ATCAY: variants seen among roughly 807,000 people sequenced by gnomAD.
ATCAY encodes caytaxin.
A neutral mutation model predicts 47.7 loss-of-function variants in ATCAY; 22 were observed. The observed-to-expected ratio is 0.46, with a 90% CI of 0.33 to 0.66. The LOEUF (loss-of-function observed/expected upper bound fraction) is 0.66, where lower values mean the gene tolerates loss of function less well. Ranked by LOEUF, ATCAY falls within the 30% of genes least tolerant of loss-of-function variation. The pLI is 0.02. For synonymous variants in ATCAY, 216 were observed against 207.6 expected, an observed-to-expected ratio of 1.04 and a Z score of -0.35; for missense variants, 452 against 515.0, an observed-to-expected ratio of 0.88 and a Z score of 1.18.
At chr19:3,896,128 C>T (rs866633506) in intron 2 of ATCAY, among the ~76,000 whole-genome samples, 5 of 151,412 alleles carry the variant, frequency 3.3e-5, no homozygotes, top group Admixed American at 6.6e-5. Flanking sequence ...CTGTGATTAC[C>T]GGCATGAGCC....
In ATCAY at chr19:3,907,349, C is replaced by T. The variant is rs1446307807; in HGVS notation, c.359-385C>T. Among the ~76,000 whole-genome samples, 4 of 152,086 alleles carry T rather than the reference C, an allele frequency of 2.6e-5. No individual in the cohort carries two copies. Among genetic ancestry groups the T allele is most frequent in the African/African-American group, 9.7e-5 (4 of 41,426 alleles). On this transcript the variant is annotated intron_variant, in intron 4 of 12. Transcript: ENST00000450849. This position sits in a 1 kb window ranked among gnomAD's most constrained non-coding sequence, Gnocchi z 5.1. ...GTCCCAGGTATCTGGGAGGCTGAGG[C>T]AGGAGGACTGCTCTCTGTGTGCCAG...
chr19:3,882,710 C>T (rs1269937821), intron 1 of ATCAY, among the ~76,000 whole-genome samples: 2 of 152,164 alleles, frequency 1.3e-5, no homozygotes, highest in South Asian at 2.1e-4. Context: ...GTGGCACAAT[C>T]ATACCTCACT....
intron 3 of ATCAY, among the ~76,000 whole-genome samples, chr19:3,903,622 C>G (rs1273567656): frequency 1.3e-5 from 2 of 151,828 alleles, no homozygotes; most frequent in Admixed American, 1.3e-4. Flanking sequence ...CTCCTGGGCT[C>G]AAGAGATCCT....
Position 3,907,662 on chromosome 19 carries a change from G to A in ATCAY, c.359-72G>A. 5 of 1,569,892 alleles carry A rather than the reference G, an allele frequency of 3.2e-6. No individual in the cohort carries two copies. Among genetic ancestry groups the A allele is most frequent in the Non-Finnish European group, 4.3e-6 (5 of 1,151,236 alleles). ...CAGCGAGGGAGGTGGGAGAGGGGAA[G>A]GAAGGCTGAGCAGGAGGGCAGGAGA... On this transcript the variant is annotated intron_variant, in intron 4 of 12. Coordinates refer to ENST00000450849, the MANE Select transcript of ATCAY (RefSeq NM_033064.5). This position sits in a 1 kb window ranked among gnomAD's most constrained non-coding sequence, Gnocchi z 5.1.
At chr19:3,896,105 G>A (rs1379625844) in intron 2 of ATCAY, among the ~76,000 whole-genome samples, 2 of 152,044 alleles carry the variant, frequency 1.3e-5, no homozygotes, top group African/African-American at 4.8e-5. Context: ...TCCCTCCTCA[G>A]CCTCCCAAAG....
chr19:3,889,423 A>C (rs2038693304), intron 2 of ATCAY, among the ~76,000 whole-genome samples: 1 of 151,626 alleles, frequency 6.6e-6, no homozygotes, highest in Non-Finnish European at 1.5e-5. Context: ...AAAATAAATA[A>C]ATAAAAATAA....
At position 3,887,474 on chromosome 19, in the gene ATCAY, TTTTATTTTA is replaced by T. The variant is rs532415368; in HGVS notation, c.77+1638_77+1646del. 3.2e-3 allele frequency among the ~76,000 whole-genome samples: 483 copies of T among 150,600 alleles called. 3 individuals are homozygous for T. The highest frequency in any genetic ancestry group is 0.011 in the African/African-American group (463 of 41,322). Reference sequence around the variant, plus strand: ...CTCTGTCTCTATTTTATTTTATTTTTTTTATTTTATTTATTTATTTATTTATTTTTGAGA... The same window carrying T: ...CTCTGTCTCTATTTTATTTTATTTTTTTTATTTATTTATTTATTTTTGAGA... On this transcript the variant is annotated intron_variant, in intron 2 of 12. Coordinates refer to ENST00000450849, the MANE Select transcript of ATCAY (RefSeq NM_033064.5).
rs192706226 is a variant in ATCAY, at chr19:3,906,982, A to T, written c.359-752A>T. Among the ~76,000 whole-genome samples, 191 of 151,560 alleles carry T rather than the reference A, an allele frequency of 1.3e-3. 1 individual carries two copies. The highest frequency in any genetic ancestry group is 3.4e-3 in the Middle Eastern group (1 of 294). ...GTGAAGCTCCATCTCTACTAAAAAT[A>T]CAGAAATTAGCCGGGCATGGTGGCG... On this transcript the variant is annotated intron_variant, in intron 4 of 12. Transcript: ENST00000450849.
rs1471634409 is a variant in ATCAY, at chr19:3,897,033, T to C, written c.78-5454T>C. On this transcript the variant is annotated intron_variant, in intron 2 of 12. Transcript: ENST00000450849. ...CTCAGATGATCCACCCGCCTCAGCC[T>C]CCCAAAGCGCTGGGATTACTGAGGC... is the stretch of plus-strand genomic sequence containing the variant. 2.0e-5 allele frequency among the ~76,000 whole-genome samples: 3 copies of C among 151,960 alleles called. No homozygotes were observed. In the East Asian group the frequency reaches 5.8e-4, roughly 29 times the overall value.
intron 2 of ATCAY, among the ~76,000 whole-genome samples, chr19:3,891,232 G>T (rs1009347178): frequency 6.6e-6 from 1 of 151,712 alleles, no homozygotes; most frequent in African/African-American, 2.4e-5. Flanking sequence ...TTGTATTTTC[G>T]TTAGAGACAG....
Position 3,907,642 on chromosome 19 carries a change from A to G in ATCAY, c.359-92A>G. Reference sequence around the variant, plus strand: ...GAAGGACTTGTGGGTCCCGGCAGCGAGGGAGGTGGGAGAGGGGAAGGAAGG... The same window carrying G: ...GAAGGACTTGTGGGTCCCGGCAGCGGGGGAGGTGGGAGAGGGGAAGGAAGG... On this transcript the variant is annotated intron_variant, in intron 4 of 12. Coordinates refer to ENST00000450849, the MANE Select transcript of ATCAY (RefSeq NM_033064.5). The surrounding 1 kb of genome is among the most constrained non-coding windows in gnomAD (Gnocchi z 5.1). The G allele has an allele frequency of 6.7e-7, 1 of 1,481,806 alleles. No homozygotes were observed. Among genetic ancestry groups the G allele is most frequent in the East Asian group, 2.3e-5 (1 of 42,666 alleles). The allele number at this position is 1,481,806 out of a possible 1,614,324, so 91.8% of individuals were successfully genotyped here.
intron 12 of ATCAY, 68 bp downstream of exon 12, chr19:3,920,866 G>C (rs781212081): frequency 3.2e-6 from 5 of 1,574,370 alleles, no homozygotes; most frequent in South Asian, 2.2e-5. Context: ...TATTAGTCAG[G>C]GTTCTCTAGA....
intron 2 of ATCAY, among the ~76,000 whole-genome samples, chr19:3,887,293 AC>A (rs1399148191): frequency 6.8e-6 from 1 of 147,392 alleles, no homozygotes; most frequent in African/African-American, 2.6e-5. Context: ...CCCCATTTCT[AC>A]CAAAAAAAAA....
At chr19:3,905,989 A>G (rs979484446) in intron 4 of ATCAY, among the ~76,000 whole-genome samples, 1 of 151,930 alleles carries the variant, frequency 6.6e-6, no homozygotes, top group Non-Finnish European at 1.5e-5. Flanking sequence ...TGGCTGACAC[A>G]GTGAAACCCC....
intron 4 of ATCAY, among the ~76,000 whole-genome samples, chr19:3,906,841 A>G (rs2038865289): frequency 6.6e-6 from 1 of 152,062 alleles, no homozygotes; most frequent in African/African-American, 2.4e-5. Context: ...ATCATCAGAA[A>G]GACAGACCAC....
intron 2 of ATCAY, among the ~76,000 whole-genome samples, chr19:3,889,600 A>T (rs2038695349): frequency 6.6e-6 from 1 of 152,084 alleles, no homozygotes; most frequent in Non-Finnish European, 1.5e-5. Context: ...TATCTAAGAA[A>T]AATAATAATA....
chr19:3,894,519 T>C (rs577498834), intron 2 of ATCAY, among the ~76,000 whole-genome samples: 1 of 144,870 alleles, frequency 6.9e-6, no homozygotes, highest in Non-Finnish European at 1.5e-5. Context: ...CTGGACATAG[T>C]AGTGTGTGCT....
chr19:3,887,548 G>A (rs935727536), intron 2 of ATCAY, among the ~76,000 whole-genome samples: 21 of 150,798 alleles, frequency 1.4e-4, no homozygotes, highest in Non-Finnish European at 2.2e-4. Context: ...GTGCAGTGGC[G>A]CGATCTTGGC....
rs149605177 is a variant in ATCAY, at chr19:3,888,919, T to C, written c.77+3075T>C. On this transcript the variant is annotated intron_variant, in intron 2 of 12. Transcript: ENST00000450849. Reference sequence around the variant, plus strand: ...GTCATTGCCAGGCCTCTAAGGCCCATGCACCTGTCTGTGTTTCTTTGCAGC... The same window carrying C: ...GTCATTGCCAGGCCTCTAAGGCCCACGCACCTGTCTGTGTTTCTTTGCAGC... Among the ~76,000 whole-genome samples the C allele has an allele frequency of 2.8e-3, 418 of 151,994 alleles. 6 individuals are homozygous for C. The highest frequency in any genetic ancestry group is 9.4e-3 in the African/African-American group (389 of 41,500).
Sources: gnomAD v4.1 joint callset for allele counts (sites outside exome capture counted in the v4.1 genomes callset) on GRCh38, gnomAD v4.1.1 for gene constraint, Gnocchi (gnomAD v3.1) non-coding constraint, MANE v1.5 for transcripts, NCBI Gene and HGNC (gene_info 2026-07-23, HGNC 2026-07-21) for gene names.